Variants in CCDC180 observed in about 807,000 individuals in gnomAD.
CCDC180 encodes the protein coiled-coil domain containing 180.
A neutral mutation model predicts 209.2 loss-of-function variants in CCDC180; 154 were observed. The observed-to-expected ratio is 0.74, with a 90% CI of 0.65 to 0.84. CCDC180 has a LOEUF of 0.84. Ranked by LOEUF, CCDC180 falls within the 40% of genes least tolerant of loss-of-function variation. The pLI is 0.00. For synonymous variants in CCDC180, 778 were observed against 749.1 expected (o/e 1.04, Z -0.63); for missense variants, 1,874 against 1,997.3 (o/e 0.94, Z 1.18).
chr9:97,345,727 G>C (rs1207497251), intron 19 of CCDC180: 3 of 249,644 alleles, frequency 1.2e-5, no homozygotes, highest in Non-Finnish European at 2.4e-5. Context: ...CTCCTGACTG[G>C]GAGACAGAGT....
rs752816716 is a variant in CCDC180 at position 97,318,470 on chromosome 9, A to G, written c.967A>G (p.Met323Val). The change falls in exon 10 of 37, where the codon ATG becomes GTG. Residue 323 changes from methionine (M) to valine (V), a missense_variant. Physicochemically the swap from Met to Val is conservative, Grantham distance 21 (BLOSUM62 1). Transcript: ENST00000529487. Reference protein sequence around the residue: ...EALLQSFSEFMASESIHTPPA... With the variant: ...EALLQSFSEFVASESIHTPPA... ...AACATGTCTGGCCACCAGTGAGTTC[A>G]TGGCCAGTGAGAGTATCCATACTCC... The G allele has an allele frequency of 3.4e-5, 55 of 1,613,322 alleles. No homozygotes were observed. The highest frequency in any genetic ancestry group is 1.7e-4 in the Admixed American group (10 of 59,986).
chr9:97,364,176 T>C, intron 29 of CCDC180, 48 bp downstream of exon 29: 1 of 1,575,842 alleles, frequency 6.3e-7, no homozygotes, highest in Non-Finnish European at 8.7e-7. Context: ...CTGTTTTGGG[T>C]TGCAGGGGCA....
chr9:97,371,765 G>A, intron 34 of CCDC180, 59 bp downstream of exon 34: 1 of 1,088,908 alleles, frequency 9.2e-7, no homozygotes, highest in South Asian at 1.6e-5. Context: ...GGCTAGGTTG[G>A]GCAGGGGTCT....
Position 97,366,251 on chromosome 9 carries a change from G to A in CCDC180, c.4048-308G>A, listed in dbSNP as rs1233454387. Among the ~76,000 whole-genome samples the A allele has an allele frequency of 6.6e-6, 1 of 152,218 alleles. No homozygotes were observed. The highest frequency in any genetic ancestry group is 1.5e-5 in the Non-Finnish European group (1 of 68,040). ...CCTATACCCAGCTTGGCACTTCCTT[G>A]TAAGCTCCCAACCTGGTCACCAATC... On this transcript the variant is annotated intron_variant, in intron 30 of 36. Coordinates refer to ENST00000529487, the MANE Select transcript of CCDC180 (RefSeq NM_020893.6). The surrounding 1 kb of genome is among the most constrained non-coding windows in gnomAD (Gnocchi z 4.3).
Position 97,375,723 on chromosome 9 carries a change from A to G in CCDC180, c.4842+134A>G, listed in dbSNP as rs571270643. ...GGCAACACATGTCAGCACACCCCAG[A>G]GCTGCAGGTCTCAACACTCAGGACA... On this transcript the variant is annotated intron_variant, in intron 36 of 36. Transcript: ENST00000529487. 17 of 1,050,686 alleles carry G rather than the reference A, an allele frequency of 1.6e-5. No individual in the cohort carries two copies. The African/African-American group carries it at 2.2e-4, about 14-fold the overall frequency. 65.1% of individuals were successfully genotyped at this position (1,050,686 alleles called of 1,614,324 possible).
Position 97,354,982 on chromosome 9 carries a change from A to T in CCDC180, c.3238A>T (p.Asn1080Tyr), listed in dbSNP as rs762795633. The change falls in exon 24 of 37, where the codon AAT (asparagine) becomes TAT (tyrosine). Residue 1080 changes from asparagine (N) to tyrosine (Y), a missense_variant. Asn to Tyr is a moderately radical substitution (Grantham distance 143). Coordinates refer to ENST00000529487, the MANE Select transcript of CCDC180 (RefSeq NM_020893.6). ...FIEKIQRLLT[N>Y]LQVKIKCQVA... ...AGAGAAAATCCAGCGGTTGCTGACG[A>T]ATCTGCAAGTGAAAATCAAGTGCCA... is the stretch of plus-strand genomic sequence containing the variant. 2 of 1,612,870 alleles carry T rather than the reference A, an allele frequency of 1.2e-6. No homozygotes were observed. The highest frequency in any genetic ancestry group is 1.7e-6 in the Non-Finnish European group (2 of 1,178,888).
intron 16 of CCDC180, among the ~76,000 whole-genome samples, chr9:97,328,956 T>C (rs1825646410): frequency 6.6e-6 from 1 of 152,226 alleles, no homozygotes; most frequent in African/African-American, 2.4e-5. Context: ...CATGAATACC[T>C]GGGATTCCCT....
chr9:97,360,052 A>G lies in CCDC180; in HGVS notation c.3434A>G (p.Tyr1145Cys). ...WKEKLSQRIQ[Y>C]LNCSLDRVSM... The stretch of plus-strand genomic sequence containing the variant: ...GAAAAACTGAGCCAGAGGATTCAGT[A>G]CCTTAACTGCAGCCTGGACAGGGTG... The change falls in exon 26 of 37, where the codon TAC becomes TGC. Residue 1145 changes from tyrosine (Y) to cysteine (C), a missense_variant. By Grantham distance (194) the Tyr-to-Cys change is radical (BLOSUM62 -2). Coordinates refer to ENST00000529487, the MANE Select transcript of CCDC180 (RefSeq NM_020893.6). The G allele has an allele frequency of 6.2e-7, 1 of 1,613,992 alleles. No individual in the cohort carries two copies. Among genetic ancestry groups the G allele is most frequent in the Non-Finnish European group, 8.5e-7 (1 of 1,179,940 alleles).
In CCDC180 at chr9:97,349,169, G is replaced by T; in HGVS notation, c.2733G>T (p.Thr911=). The T allele has an allele frequency of 2.0e-6, 3 of 1,536,334 alleles. No individual in the cohort carries two copies. Among genetic ancestry groups the T allele is most frequent in the Non-Finnish European group, 1.7e-6 (2 of 1,146,964 alleles). Residue 911 remains threonine (T), a synonymous_variant, in exon 21 of 37, where the codon ACG becomes ACT. Coordinates refer to ENST00000529487, the MANE Select transcript of CCDC180 (RefSeq NM_020893.6). ...GCCACTGTGCTGGGGTGACCGAGACGCTGAAGAAGAAGCGGCTGATGTTCT... is the reference window on the plus strand; with the variant it reads ...GCCACTGTGCTGGGGTGACCGAGACTCTGAAGAAGAAGCGGCTGATGTTCT... ...LDSHCAGVTE[T]LKKKRLMFCQ... is the part of the protein sequence containing the mutation.
At chr9:97,356,215 A>G (rs879532810) in intron 24 of CCDC180, among the ~76,000 whole-genome samples, 2 of 152,196 alleles carry the variant, frequency 1.3e-5, no homozygotes, top group Non-Finnish European at 2.9e-5. Flanking sequence ...GCATAGGTCA[A>G]TGCCCATTCA....
chr9:97,368,702 T>A (rs1826993354), intron 31 of CCDC180, among the ~76,000 whole-genome samples: 1 of 152,210 alleles, frequency 6.6e-6, no homozygotes, highest in Non-Finnish European at 1.5e-5. Flanking sequence ...CTTAAAATGA[T>A]CTTGAGTTGG....
chr9:97,331,469 CTGTTT>C (rs1279436532), intron 18 of CCDC180, among the ~76,000 whole-genome samples: 1 of 152,110 alleles, frequency 6.6e-6, no homozygotes, highest in Non-Finnish European at 1.5e-5. Flanking sequence ...AAAGGTAGTT[CTGTTT>C]TAAGTTCTTT....
chr9:97,355,713 G>GA (rs1826563869), intron 24 of CCDC180, among the ~76,000 whole-genome samples: 1 of 152,196 alleles, frequency 6.6e-6, no homozygotes. Context: ...ACCACAAACA[G>GA]GCCATCTGTG....
Position 97,320,045 on chromosome 9 carries a change from A to G in CCDC180, c.1080-81A>G, listed in dbSNP as rs955385760. On this transcript the variant is annotated intron_variant, in intron 10 of 36. Coordinates refer to ENST00000529487, the MANE Select transcript of CCDC180 (RefSeq NM_020893.6). The stretch of plus-strand genomic sequence containing the variant: ...TTTAAATCCATGATTTTCTGGAGCT[A>G]TGTTCCTTGAAGATGCTACCCATTT... The G allele has an allele frequency of 8.9e-5, 91 of 1,022,828 alleles. No individual in the cohort carries two copies. In the African/African-American group the frequency reaches 1.3e-3, roughly 14 times the overall value. The allele number at this position is 1,022,828 out of a possible 1,614,324, so 63.4% of individuals were successfully genotyped here.
At chr9:97,375,422 C>T in intron 35 of CCDC180, 32 bp from the exon 36 acceptor site, 1 of 1,613,640 alleles carries the variant, frequency 6.2e-7, no homozygotes, top group East Asian at 2.2e-5. Flanking sequence ...TGAAGACAAG[C>T]CTGTGAGATT....
At chr9:97,341,777 G>A (rs1385824615) in intron 18 of CCDC180, among the ~76,000 whole-genome samples, 1 of 152,200 alleles carries the variant, frequency 6.6e-6, no homozygotes, top group East Asian at 1.9e-4. Flanking sequence ...GCTATGCCCT[G>A]CCCCCAGAGG....
intron 16 of CCDC180, 125 bp downstream of exon 16, chr9:97,328,271 A>G: frequency 9.4e-7 from 1 of 1,064,332 alleles, no homozygotes; most frequent in Non-Finnish European, 1.3e-6. Context: ...AATCAATGCA[A>G]GAAGAAAGAA....
At position 97,359,998 on chromosome 9, in the gene CCDC180, A is replaced by G. The variant is rs778355383; in HGVS notation, c.3380A>G (p.Glu1127Gly). The change falls in exon 26 of 37, where the codon GAA becomes GGA. Residue 1127 changes from glutamate (E) to glycine (G), a missense_variant. Glu to Gly is a moderately conservative substitution (Grantham distance 98, BLOSUM62 -2). Coordinates refer to ENST00000529487, the MANE Select transcript of CCDC180 (RefSeq NM_020893.6). ...RGEKTTVTTE[E>G]LLSFVQTWKE... ...TCTCACCAGACAGTGACCACAGAAG[A>G]ACTCCTCAGCTTCGTCCAAACTTGG... 1 of 1,613,844 alleles carries G rather than the reference A, an allele frequency of 6.2e-7. No individual in the cohort carries two copies. The highest frequency in any genetic ancestry group is 8.5e-7 in the Non-Finnish European group (1 of 1,179,888).
At chr9:97,343,863 T>C (rs1826166918) in intron 19 of CCDC180, among the ~76,000 whole-genome samples, 1 of 152,220 alleles carries the variant, frequency 6.6e-6, no homozygotes, top group African/African-American at 2.4e-5. Context: ...TGGGTTCTAG[T>C]TCCTGGTACA....
Sources: allele counts gnomAD v4.1 joint callset (sites outside exome capture counted in the v4.1 genomes callset), GRCh38; gene constraint gnomAD v4.1.1; non-coding constraint Gnocchi (gnomAD v3.1); transcripts MANE v1.5; gene names NCBI Gene and HGNC (gene_info 2026-07-23, HGNC 2026-07-21).